The following ARMC8 variants were observed in gnomAD, a reference collection of about 807,000 sequenced individuals.
The protein encoded by ARMC8 is armadillo repeat containing 8.
A neutral mutation model predicts 99.3 loss-of-function variants in ARMC8; 20 were observed. The observed-to-expected ratio is 0.20, with a 90% confidence interval of 0.14 to 0.29. The LOEUF is 0.29. Among genes scored for constraint, ARMC8 ranks in the 10% least tolerant of loss-of-function variants. The pLI, the probability that ARMC8 is intolerant of heterozygous loss-of-function variation, is 1.00. For synonymous variants in ARMC8, 263 were observed against 278.3 expected (o/e 0.95, Z 0.55); for missense variants, 569 against 809.5 (o/e 0.70, Z 3.60).
intron 1 of ARMC8, chr3:138,188,622 A>T: frequency 6.6e-7 from 1 of 1,504,156 alleles, no homozygotes; most frequent in East Asian, 2.3e-5. Flanking sequence ...CCAGTCTGAT[A>T]CTGAGAGGGT....
rs898662159 is a variant in ARMC8, at chr3:138,297,476, C to T, written c.*1584C>T. 2.6e-5 allele frequency: 4 copies of T among 152,234 alleles called. No individual in the cohort carries two copies. Among genetic ancestry groups the T allele is most frequent in the Admixed American group, 2.0e-4 (3 of 15,288 alleles). 9.4% of individuals were successfully genotyped at this position (152,234 alleles called of 1,614,324 possible). A position where few individuals can be genotyped will look rare whatever the true frequency, so the allele number is the denominator to read the frequency against. On this transcript the variant is annotated 3_prime_UTR_variant, in exon 22 of 22. Transcript: ENST00000469044. ...TGCCACTGATGGAGCTCCAAGCCCA[C>T]CCACCAGCCACTCCTGATGGGGTTG...
rs2046901485 is a variant in ARMC8, at chr3:138,246,789, A to G, written c.1134+1606A>G. 4.1e-6 allele frequency: 4 copies of G among 983,532 alleles called. No homozygotes were observed. The South Asian group carries it at 1.4e-4, about 35-fold the overall frequency. The allele number at this position is 983,532 out of a possible 1,614,324, so 60.9% of individuals were successfully genotyped here. On this transcript the variant is annotated intron_variant, in intron 12 of 21. Coordinates refer to ENST00000469044, the MANE Select transcript of ARMC8 (RefSeq NM_001363941.2). ...GACAGTCTAATCAGTAGTCTATTAA[A>G]ACTTGTATTCATAATGTGTATAATT...
chr3:138,207,794 C>T (rs144504602), intron 1 of ARMC8, among the ~76,000 whole-genome samples: 3 of 152,052 alleles, frequency 2.0e-5, no homozygotes, highest in Admixed American at 6.6e-5. Context: ...ATTTGTAAAC[C>T]GAGGGATTGA....
rs1483701741 is a variant in ARMC8, at chr3:138,296,759, C to T, written c.*867C>T. 2 of 152,124 alleles carry T rather than the reference C, an allele frequency of 1.3e-5. No homozygotes were observed. Among genetic ancestry groups the T allele is most frequent in the Non-Finnish European group, 2.9e-5 (2 of 68,012 alleles). The allele number at this position is 152,124 out of a possible 1,614,324, so 9.4% of individuals were successfully genotyped here. A position where few individuals can be genotyped will look rare whatever the true frequency, so the allele number is the denominator to read the frequency against. On this transcript the variant is annotated 3_prime_UTR_variant, in exon 22 of 22. Coordinates refer to ENST00000469044, the MANE Select transcript of ARMC8 (RefSeq NM_001363941.2). Reference sequence around the variant, plus strand: ...ATTCACCATAGGCTTTTTGAAGCATCAAAGGGAAATATAACTACTGATAGT... The same window carrying T: ...ATTCACCATAGGCTTTTTGAAGCATTAAAGGGAAATATAACTACTGATAGT...
chr3:138,263,608 G>GT (rs2047973538), intron 12 of ARMC8, 131 bp from the exon 13 acceptor site: 1 of 809,930 alleles, frequency 1.2e-6, no homozygotes, highest in South Asian at 1.5e-5. Flanking sequence ...CAAGATGATT[G>GT]TTTGAGAGGT....
intron 21 of ARMC8, among the ~76,000 whole-genome samples, chr3:138,291,418 T>C (rs1366284807): frequency 1.3e-5 from 2 of 152,188 alleles, no homozygotes; most frequent in Non-Finnish European, 2.9e-5. Context: ...CCCAGTCTCC[T>C]CTCCTCTGAG....
intron 9 of ARMC8, chr3:138,237,949 G>A (rs1032459753): frequency 6.3e-6 from 1 of 159,072 alleles, no homozygotes; most frequent in African/African-American, 2.4e-5. Flanking sequence ...ATGAGAATTA[G>A]TTGAAGTTGA....
chr3:138,291,165 C>T (rs1302857431), intron 21 of ARMC8, among the ~76,000 whole-genome samples: 2 of 152,210 alleles, frequency 1.3e-5, no homozygotes, highest in Non-Finnish European at 2.9e-5. Flanking sequence ...TGTGTGTTCT[C>T]CCTTGTAACA....
chr3:138,265,674 T>C (rs1264515497), intron 14 of ARMC8, among the ~76,000 whole-genome samples: 1 of 152,094 alleles, frequency 6.6e-6, no homozygotes, highest in Admixed American at 6.5e-5. Flanking sequence ...AGGAGAAACA[T>C]TATGTATGGT....
Position 138,267,261 on chromosome 3 carries a change from T to C in ARMC8, c.1386+20T>C. 8 of 1,457,844 alleles carry C rather than the reference T, an allele frequency of 5.5e-6. No homozygotes were observed. Among genetic ancestry groups the C allele is most frequent in the Non-Finnish European group, 7.5e-6 (8 of 1,068,538 alleles). The allele number at this position is 1,457,844 out of a possible 1,614,324, so 90.3% of individuals were successfully genotyped here. A position where few individuals can be genotyped will look rare whatever the true frequency, so the allele number is the denominator to read the frequency against. ...AAAGAGGTTAGTATTGATTTTCTTTTCCTAGACTTTGCCCAGTCCAGCTAG... is the reference window on the plus strand; with the variant it reads ...AAAGAGGTTAGTATTGATTTTCTTTCCCTAGACTTTGCCCAGTCCAGCTAG... On this transcript the variant is annotated intron_variant, in intron 15 of 21. Transcript: ENST00000469044.
chr3:138,203,424 TCA>T (rs1156792452), intron 1 of ARMC8, among the ~76,000 whole-genome samples: 1 of 152,016 alleles, frequency 6.6e-6, no homozygotes, highest in Admixed American at 6.6e-5. Context: ...TCAGCAGGAG[TCA>T]CAGTGTCATC....
intron 16 of ARMC8, 90 bp downstream of exon 16, chr3:138,270,222 G>T: frequency 9.5e-7 from 1 of 1,051,852 alleles, no homozygotes; most frequent in South Asian, 1.7e-5. Flanking sequence ...TGAAATGTCT[G>T]GAATTTTCTT....
intron 12 of ARMC8, among the ~76,000 whole-genome samples, chr3:138,256,699 C>T (rs1051582422): frequency 3.3e-5 from 5 of 152,096 alleles, no homozygotes; most frequent in African/African-American, 9.7e-5. Context: ...CGTGAGCCAC[C>T]GCGCCCGGCC....
At chr3:138,284,296 G>A in intron 18 of ARMC8, 135 bp from the exon 19 acceptor site, 1 of 669,912 alleles carries the variant, frequency 1.5e-6, no homozygotes, top group Non-Finnish European at 2.7e-6. Flanking sequence ...GTCAGCAGAT[G>A]AGAAATCAGG....
rs2043121202 is a variant in ARMC8, at chr3:138,187,389, T to G, written c.-166T>G. On this transcript the variant is annotated 5_prime_UTR_variant, in exon 1 of 22. Transcript: ENST00000469044. ...CCCCTGACGCCATTCCCTTTTGCCCTTCTTTCTGCGGGCCTTTCCGGTACT... is the reference window on the plus strand; with the variant it reads ...CCCCTGACGCCATTCCCTTTTGCCCGTCTTTCTGCGGGCCTTTCCGGTACT... 5 of 638,312 alleles carry G rather than the reference T, an allele frequency of 7.8e-6. No individual in the cohort carries two copies. The highest frequency in any genetic ancestry group is 3.7e-5 in the African/African-American group (2 of 54,094). The allele number at this position is 638,312 out of a possible 1,614,324, so 39.5% of individuals were successfully genotyped here.
intron 18 of ARMC8, among the ~76,000 whole-genome samples, chr3:138,284,006 CT>C (rs974074034): frequency 1.3e-5 from 2 of 152,164 alleles, no homozygotes; most frequent in Admixed American, 6.5e-5. Context: ...GGAGGCTTCC[CT>C]GGGAGGGGAG....
At chr3:138,266,039 A>G (rs746899699) in intron 14 of ARMC8, among the ~76,000 whole-genome samples, 31 of 152,248 alleles carry the variant, frequency 2.0e-4, no homozygotes, top group Non-Finnish European at 4.0e-4. Flanking sequence ...GTGTCACAAT[A>G]TGGTCTTATG....
intron 21 of ARMC8, among the ~76,000 whole-genome samples, chr3:138,294,898 T>G (rs2051323727): frequency 6.6e-6 from 1 of 150,940 alleles, no homozygotes; most frequent in South Asian, 2.1e-4. Flanking sequence ...GTTTGTTTTT[T>G]GTTCTTTTTT....
At chr3:138,211,635 A>G (rs141065498) in intron 2 of ARMC8, among the ~76,000 whole-genome samples, 24 of 152,348 alleles carry the variant, frequency 1.6e-4, no homozygotes, top group African/African-American at 5.5e-4. Context: ...AAGGAATGGT[A>G]GAGTAGAAGG....
Sources: allele counts gnomAD v4.1 joint callset (sites outside exome capture counted in the v4.1 genomes callset), GRCh38; gene constraint gnomAD v4.1.1; transcripts MANE v1.5; gene names NCBI Gene and HGNC (gene_info 2026-07-23, HGNC 2026-07-21).